The following CHST15 variants were observed in gnomAD, a reference collection of about 807,000 sequenced individuals.
CHST15 encodes carbohydrate sulfotransferase 15, also known as B cell RAG associated protein (GALNAC4S-6ST).
A neutral mutation model predicts 53.6 loss-of-function variants in CHST15; 30 were observed. That is an observed-to-expected ratio of 0.56 (90% confidence interval 0.42 to 0.76). CHST15 has a LOEUF of 0.76. Among genes scored for constraint, CHST15 ranks in the 30% least tolerant of loss-of-function variants. The pLI, the probability that CHST15 is intolerant of heterozygous loss-of-function variation, is 0.00. For synonymous variants in CHST15, 296 were observed against 289.8 expected (o/e 1.02, Z -0.22); for missense variants, 627 against 740.5 (o/e 0.85, Z 1.78).
intron 1 of CHST15, among the ~76,000 whole-genome samples, chr10:124,066,469 A>G (rs1948753616): frequency 1.3e-5 from 2 of 152,136 alleles, no homozygotes; most frequent in African/African-American, 4.8e-5. Flanking sequence ...AGAAAAAAAA[A>G]AACGAGTTTA....
At chr10:124,055,341 C>T (rs76667705) in intron 1 of CHST15, among the ~76,000 whole-genome samples, 1,846 of 152,148 alleles carry the variant, frequency 0.012, 46 homozygotes, top group African/African-American at 0.042. Flanking sequence ...CAGGAGCCCA[C>T]GTAAGAGCTC....
Position 124,046,176 on chromosome 10 carries a change from G to T in CHST15, c.37C>A (p.Pro13Thr), listed in dbSNP as rs746735036. 1 of 1,612,768 alleles carries T rather than the reference G, an allele frequency of 6.2e-7. No individual in the cohort carries two copies. Among genetic ancestry groups the T allele is most frequent in the Non-Finnish European group, 8.5e-7 (1 of 1,179,316 alleles). The change falls in exon 2 of 8, where the codon CCC becomes ACC. Residue 13 changes from proline (P) to threonine (T), a missense_variant. This residue lies in a region of CHST15 where 187 missense variants were observed against 251.8 expected (regional missense o/e 0.74). Coordinates refer to ENST00000435907, the MANE Select transcript of CHST15 (RefSeq NM_001270764.2). ...ACCTGCTGCTTGTGTGCGCCGTCGG[G>T]TAACAGCTGTATGCAGCAATTAATG... is the stretch of plus-strand genomic sequence containing the variant. ...HCINCCIQLL[P>T]DGAHKQQVNC...
intron 1 of CHST15, among the ~76,000 whole-genome samples, chr10:124,075,305 A>G (rs1273799942): frequency 6.6e-6 from 1 of 152,204 alleles, no homozygotes; most frequent in African/African-American, 2.4e-5. Context: ...CTGAGGCTCC[A>G]TGGGAGTAGC....
chr10:124,078,556 G>T (rs1038514354), intron 1 of CHST15, among the ~76,000 whole-genome samples: 2 of 152,158 alleles, frequency 1.3e-5, no homozygotes, highest in African/African-American at 4.8e-5. Context: ...GAGGTAGAAG[G>T]TCACCTCTGT....
chr10:124,012,914 A>G (rs536658949), intron 6 of CHST15, among the ~76,000 whole-genome samples: 1 of 152,348 alleles, frequency 6.6e-6, no homozygotes, highest in Non-Finnish European at 1.5e-5. Flanking sequence ...ATGAGTGAAG[A>G]GCCAAATGCC....
In CHST15 at chr10:124,009,595, T is replaced by C. The variant is rs1170798793; in HGVS notation, c.*554A>G. The C allele has an allele frequency of 1.4e-5, 14 of 989,736 alleles. No individual in the cohort carries two copies. Among genetic ancestry groups the C allele is most frequent in the Non-Finnish European group, 1.7e-5 (14 of 832,466 alleles). The allele number at this position is 989,736 out of a possible 1,614,324, so 61.3% of individuals were successfully genotyped here. A position where few individuals can be genotyped will look rare whatever the true frequency, so the allele number is the denominator to read the frequency against. On this transcript the variant is annotated 3_prime_UTR_variant, in exon 8 of 8. Transcript: ENST00000435907. ...GAAAGACTGCGGTTCTCTGTCCCAG[T>C]GAGGTTAGCGATCGCAACAAGAGTG...
intron 7 of CHST15, chr10:124,010,889 C>A: frequency 3.0e-6 from 3 of 985,478 alleles, no homozygotes; most frequent in South Asian, 4.7e-5. Flanking sequence ...AGAGCCCCCA[C>A]TGGCTGAACC....
At chr10:124,077,467 A>G (rs536852209) in intron 1 of CHST15, among the ~76,000 whole-genome samples, 6 of 152,262 alleles carry the variant, frequency 3.9e-5, no homozygotes, top group African/African-American at 1.4e-4. Flanking sequence ...ACTCAAGCGG[A>G]GGCCTTGTCT....
At chr10:124,063,537 T>C (rs1211989066) in intron 1 of CHST15, among the ~76,000 whole-genome samples, 2 of 152,318 alleles carry the variant, frequency 1.3e-5, no homozygotes, top group East Asian at 3.9e-4. Flanking sequence ...TTTATAGACC[T>C]ATCACCCAAG....
chr10:124,017,920 C>T (rs901113377), intron 6 of CHST15, among the ~76,000 whole-genome samples: 6 of 152,238 alleles, frequency 3.9e-5, no homozygotes, highest in African/African-American at 1.4e-4. Flanking sequence ...CACCTGGTGG[C>T]TCTTGTCTAC....
intron 5 of CHST15, among the ~76,000 whole-genome samples, chr10:124,031,085 A>C (rs1267614674): frequency 6.6e-6 from 1 of 152,256 alleles, no homozygotes; most frequent in Non-Finnish European, 1.5e-5. Context: ...GACCACCAGC[A>C]GCAACCAAGG....
At chr10:124,060,888 A>T (rs968144183) in intron 1 of CHST15, among the ~76,000 whole-genome samples, 3 of 152,136 alleles carry the variant, frequency 2.0e-5, no homozygotes, top group Non-Finnish European at 4.4e-5. Context: ...TACGAAGAGG[A>T]AAGTTTGAGA....
chr10:124,011,714 G>T, intron 7 of CHST15: 1 of 985,400 alleles, frequency 1.0e-6, no homozygotes, highest in African/African-American at 1.7e-5. Context: ...CCCCTGGGGG[G>T]GCTGGTATCC....
At chr10:124,048,257 A>G (rs1466139801) in intron 1 of CHST15, among the ~76,000 whole-genome samples, 1 of 152,260 alleles carries the variant, frequency 6.6e-6, no homozygotes, top group African/African-American at 2.4e-5. Context: ...AGGGCCTTTG[A>G]TATGCTAATA....
chr10:124,086,216 G>A (rs186928453), intron 1 of CHST15, among the ~76,000 whole-genome samples: 4 of 152,314 alleles, frequency 2.6e-5, no homozygotes, highest in East Asian at 3.9e-4. Context: ...CAACAACACC[G>A]ATTTGACACA....
chr10:124,071,873 G>A (rs563415519), intron 1 of CHST15, among the ~76,000 whole-genome samples: 18 of 152,206 alleles, frequency 1.2e-4, no homozygotes, highest in Admixed American at 5.2e-4. Context: ...TTCTTCGGCC[G>A]TCCTAGTCAC....
At chr10:124,087,521 G>C (rs974864676) in intron 1 of CHST15, among the ~76,000 whole-genome samples, 5 of 152,196 alleles carry the variant, frequency 3.3e-5, no homozygotes, top group African/African-American at 1.2e-4. Context: ...TGCCTGGACT[G>C]TCTGTTTCAA....
Position 124,044,710 on chromosome 10 carries a change from G to A in CHST15, c.756C>T (p.Cys252=), listed in dbSNP as rs1391500323. Reference sequence around the variant, plus strand: ...GCCCTATGATGTAGAAGTGCGGCAGGCAGCGCAGGCGGAAGTGCTTCCCGT... The same window carrying A: ...GCCCTATGATGTAGAAGTGCGGCAGACAGCGCAGGCGGAAGTGCTTCCCGT... ...HAHGKHFRLR[C]LPHFYIIGQP... Residue 252 remains cysteine (C), a synonymous_variant, in exon 3 of 8, where the codon TGC becomes TGT. Coordinates refer to ENST00000435907, the MANE Select transcript of CHST15 (RefSeq NM_001270764.2). 5.6e-6 allele frequency: 9 copies of A among 1,613,836 alleles called. No individual in the cohort carries two copies. The East Asian group carries it at 1.8e-4, about 32-fold the overall frequency.
Position 124,024,948 on chromosome 10 carries a change from A to C in CHST15, c.1191-3536T>G, listed in dbSNP as rs1946938416. On this transcript the variant is annotated intron_variant, in intron 5 of 7. Coordinates refer to ENST00000435907, the MANE Select transcript of CHST15 (RefSeq NM_001270764.2). This position sits in a 1 kb window ranked among gnomAD's most constrained non-coding sequence, Gnocchi z 4.0. ...CTGTCATAAAATCCCACGTTAAATAAGTATTCGAAGCCCAGTTTTTACCAA... is the reference window on the plus strand; with the variant it reads ...CTGTCATAAAATCCCACGTTAAATACGTATTCGAAGCCCAGTTTTTACCAA... Among the ~76,000 whole-genome samples the C allele has an allele frequency of 6.6e-6, 1 of 152,228 alleles. No individual in the cohort carries two copies.
Sources: gnomAD v4.1 joint callset for allele counts (sites outside exome capture counted in the v4.1 genomes callset) on GRCh38, gnomAD v4.1.1 for gene constraint, gnomAD v4.1.1 regional missense constraint, Gnocchi (gnomAD v3.1) non-coding constraint, MANE v1.5 for transcripts, NCBI Gene and HGNC (gene_info 2026-07-23, HGNC 2026-07-21) for gene names.